The following RALYL variants were observed in gnomAD, a reference collection of about 807,000 sequenced individuals.
The protein encoded by RALYL is RNA-binding Raly-like protein.
RALYL carries 29 observed loss-of-function variants against 35.1 expected under a neutral mutation model. The ratio of observed to expected loss-of-function variants is 0.83; its 90% CI spans 0.61 to 1.13. The LOEUF is 1.13. Ranked by LOEUF, RALYL falls within the 50% of genes most tolerant of loss-of-function variation. RALYL has a pLI of 0.00. For synonymous variants in RALYL, 120 were observed against 127.6 expected, an observed-to-expected ratio of 0.94 and a Z score of 0.40; for missense variants, 359 against 360.4, an observed-to-expected ratio of 1.00 and a Z score of 0.03.
chr8:84,404,082 C>A (rs1023225377), intron 1 of RALYL, among the ~76,000 whole-genome samples: 1 of 151,430 alleles, frequency 6.6e-6, no homozygotes, highest in Admixed American at 6.6e-5. Flanking sequence ...GGGTCTGAGA[C>A]AATAGGGTTT....
chr8:84,339,909 T>C (rs189228537), intron 1 of RALYL, among the ~76,000 whole-genome samples: 126 of 152,214 alleles, frequency 8.3e-4, no homozygotes, highest in African/African-American at 2.9e-3. Context: ...CCAAATCTCA[T>C]CTTGAAGTGT....
intron 8 of RALYL, among the ~76,000 whole-genome samples, chr8:84,890,360 G>A (rs1282297927): frequency 6.6e-6 from 1 of 152,116 alleles, no homozygotes. Flanking sequence ...TGGGGAATGA[G>A]GAGAGATGGG....
At chr8:84,358,184 T>A (rs891511712) in intron 1 of RALYL, among the ~76,000 whole-genome samples, 1 of 152,018 alleles carries the variant, frequency 6.6e-6, no homozygotes, top group Non-Finnish European at 1.5e-5. Flanking sequence ...TCATTGTTTT[T>A]TTCATTTTGA....
chr8:84,196,722 G>A (rs1343225394), intron 1 of RALYL, among the ~76,000 whole-genome samples: 6 of 151,980 alleles, frequency 3.9e-5, no homozygotes, highest in East Asian at 1.9e-4. Flanking sequence ...GTTCCTTATC[G>A]GAGATTATCC....
intron 4 of RALYL, among the ~76,000 whole-genome samples, chr8:84,819,145 ACT>A (rs1422467406): frequency 6.6e-6 from 1 of 152,010 alleles, no homozygotes; most frequent in Non-Finnish European, 1.5e-5. Flanking sequence ...TTTTTTTAAG[ACT>A]CAGACAGTGC....
At chr8:84,419,656 A>G (rs899995468) in intron 1 of RALYL, among the ~76,000 whole-genome samples, 107 of 147,842 alleles carry the variant, frequency 7.2e-4, no homozygotes, top group African/African-American at 2.6e-3. Context: ...CTAACTCGTC[A>G]TCTAGCATTA....
intron 2 of RALYL, among the ~76,000 whole-genome samples, chr8:84,710,816 C>G (rs1353397721): frequency 6.6e-6 from 1 of 152,084 alleles, no homozygotes; most frequent in Non-Finnish European, 1.5e-5. Flanking sequence ...TTTTGACCAC[C>G]TACTACTTTC....
chr8:84,296,934 C>T (rs889163273), intron 1 of RALYL, among the ~76,000 whole-genome samples: 1 of 151,354 alleles, frequency 6.6e-6, no homozygotes, highest in Non-Finnish European at 1.5e-5. Context: ...TGAGAGAGAG[C>T]TGAATAAGCA....
At chr8:84,893,262 T>C (rs1844182752) in intron 8 of RALYL, among the ~76,000 whole-genome samples, 1 of 152,190 alleles carries the variant, frequency 6.6e-6, no homozygotes, top group Non-Finnish European at 1.5e-5. Context: ...TTATGGAAAA[T>C]ATATTTAAAA....
chr8:84,774,974 G>C lies in RALYL; in HGVS notation c.332+320G>C, dbSNP rs530840110. The stretch of plus-strand genomic sequence containing the variant: ...TTATTTTATTTTATTTTTTGAGATG[G>C]AGTCTCTCTCTGTTGCCCAGGCTGG... On this transcript the variant is annotated intron_variant, in intron 3 of 8. Transcript: ENST00000521268. Among the ~76,000 whole-genome samples, 311 of 152,124 alleles carry C rather than the reference G, an allele frequency of 2.0e-3. 1 individual carries two copies. Among genetic ancestry groups the C allele is most frequent in the Non-Finnish European group, 3.6e-3 (246 of 67,988 alleles).
At chr8:84,442,744 G>C (rs774465572) in intron 1 of RALYL, among the ~76,000 whole-genome samples, 4 of 152,094 alleles carry the variant, frequency 2.6e-5, no homozygotes, top group Non-Finnish European at 5.9e-5. Context: ...GTATTGGAAA[G>C]ATCAAAGCAG....
At chr8:84,738,180 A>G (rs1344303179) in intron 2 of RALYL, among the ~76,000 whole-genome samples, 2 of 152,002 alleles carry the variant, frequency 1.3e-5, no homozygotes, top group Non-Finnish European at 2.9e-5. Context: ...ATAGTATAGT[A>G]TAATTAGGAA....
At chr8:84,471,378 T>C (rs2052724669) in intron 1 of RALYL, among the ~76,000 whole-genome samples, 1 of 149,048 alleles carries the variant, frequency 6.7e-6, no homozygotes, top group Non-Finnish European at 1.5e-5. Flanking sequence ...AGGCCAGGAG[T>C]TCTAGACCAG....
Position 84,862,305 on chromosome 8 carries a change from T to C in RALYL, c.423T>C (p.Asp141=). The C allele has an allele frequency of 6.4e-7, 1 of 1,561,144 alleles. No individual in the cohort carries two copies. Among genetic ancestry groups the C allele is most frequent in the Non-Finnish European group, 8.7e-7 (1 of 1,155,044 alleles). Residue 141 remains aspartate (D), a synonymous_variant, in exon 6 of 9, where the codon GAT becomes GAC. Transcript: ENST00000521268. ...TTTGTGTTTTGTAAAGGTTATTTGATTACCACGGGCGTGTGCCTCCACCTC... is the reference window on the plus strand; with the variant it reads ...TTTGTGTTTTGTAAAGGTTATTTGACTACCACGGGCGTGTGCCTCCACCTC... ...YRDDFYNRLF[D]YHGRVPPPPR...
chr8:84,777,975 G>T (rs1322801720), intron 3 of RALYL, among the ~76,000 whole-genome samples: 1 of 152,072 alleles, frequency 6.6e-6, no homozygotes, highest in Admixed American at 6.6e-5. Context: ...AAATGCGAGA[G>T]GGGGACTCTT....
intron 1 of RALYL, among the ~76,000 whole-genome samples, chr8:84,392,787 G>C (rs1186966313): frequency 2.6e-5 from 4 of 151,660 alleles, no homozygotes; most frequent in Non-Finnish European, 4.4e-5. Flanking sequence ...GGGGAGAAGA[G>C]GAAAAAAAAT....
chr8:84,553,135 G>A (rs1028982333), intron 2 of RALYL, among the ~76,000 whole-genome samples: 3 of 152,094 alleles, frequency 2.0e-5, no homozygotes, highest in African/African-American at 7.2e-5. Flanking sequence ...TTTGTTTAGG[G>A]AAAGACTCCA....
intron 1 of RALYL, among the ~76,000 whole-genome samples, chr8:84,217,826 A>G (rs1413602285): frequency 1.3e-5 from 2 of 152,136 alleles, no homozygotes; most frequent in Non-Finnish European, 2.9e-5. Flanking sequence ...CTAGGAGCCT[A>G]ATAGAATTTC....
chr8:84,698,384 A>G (rs1839545806), intron 2 of RALYL, among the ~76,000 whole-genome samples: 1 of 152,130 alleles, frequency 6.6e-6, no homozygotes, highest in African/African-American at 2.4e-5. Context: ...AACATTAGTG[A>G]ACTCTAGGGG....
Sources: allele counts gnomAD v4.1 joint callset (sites outside exome capture counted in the v4.1 genomes callset), GRCh38; gene constraint gnomAD v4.1.1; transcripts MANE v1.5; gene names NCBI Gene and HGNC (gene_info 2026-07-23, HGNC 2026-07-21).